The following HNF4A variants were observed in gnomAD, a reference collection of about 807,000 sequenced individuals.
HNF4A encodes the protein hepatocyte nuclear factor 4 alpha, also known as hepatocyte nuclear factor 4-alpha.
A neutral mutation model predicts 52.4 loss-of-function variants in HNF4A; 15 were observed. The observed-to-expected ratio is 0.29, with a 90% confidence interval of 0.19 to 0.44. The LOEUF (loss-of-function observed/expected upper bound fraction) is 0.44. HNF4A is among the 20% of genes least tolerant of loss of function. HNF4A has a pLI of 1.00. For missense variants in HNF4A, 479 were observed against 647.2 expected (o/e 0.74, Z 2.82); for synonymous variants, 280 against 264.4 (o/e 1.06, Z -0.57).
intron 1 of HNF4A, among the ~76,000 whole-genome samples, chr20:44,357,467 C>G (rs551596430): frequency 6.6e-6 from 1 of 152,220 alleles, no homozygotes; most frequent in Non-Finnish European, 1.5e-5. Flanking sequence ...AGGGGCCAGA[C>G]AGCTTCTGGG....
At chr20:44,390,555 TG>T (rs2063289901) in intron 1 of HNF4A, 1 of 700,374 alleles carries the variant, frequency 1.4e-6, no homozygotes, top group Non-Finnish European at 2.6e-6. Flanking sequence ...TCGCAGGGTC[TG>T]GGGTGCTGAG....
At position 44,413,451 on chromosome 20, in the gene HNF4A, C is replaced by T. The variant is rs113275885; in HGVS notation, c.386-243C>T. On this transcript the variant is annotated intron_variant, in intron 3 of 9. Coordinates refer to ENST00000316099, the MANE Select transcript of HNF4A (RefSeq NM_000457.6). ...CCATAGCCGAGTCTTCACTGTCTTG[C>T]GCGCCCCTGCTGATGGGTGGATCAC... Among the ~76,000 whole-genome samples the T allele has an allele frequency of 9.9e-3, 1,513 of 152,236 alleles. 19 individuals are homozygous for T. Among genetic ancestry groups the T allele is most frequent in the African/African-American group, 0.033 (1,352 of 41,528 alleles).
Position 44,414,533 on chromosome 20 carries a change from C to A in HNF4A, c.519C>A (p.Asn173Lys), listed in dbSNP as rs557888367. Residue 173 changes from asparagine to lysine, a missense_variant, in exon 5 of 10, where the codon AAC (asparagine) becomes AAA (lysine). Asn to Lys is a moderately conservative substitution (Grantham distance 94). Coordinates refer to ENST00000316099, the MANE Select transcript of HNF4A (RefSeq NM_000457.6). ...TCACCTCCCCCGTCTCCGGGATCAACGGCGACATTCGGGCGAAGAAGATTG... is the reference window on the plus strand; with the variant it reads ...TCACCTCCCCCGTCTCCGGGATCAAAGGCGACATTCGGGCGAAGAAGATTG... The A allele has an allele frequency of 2.7e-5, 44 of 1,614,104 alleles. No individual in the cohort carries two copies. Among genetic ancestry groups the A allele is most frequent in the Non-Finnish European group, 3.5e-5 (41 of 1,180,048 alleles).
At chr20:44,410,028 G>T (rs112454614) in intron 3 of HNF4A, among the ~76,000 whole-genome samples, 2,169 of 152,206 alleles carry the variant, frequency 0.014, 59 homozygotes, top group African/African-American at 0.05. Context: ...GTAGAGACAG[G>T]GTTTCACCAT....
chr20:44,407,132 C>G (rs2063512193), intron 2 of HNF4A, among the ~76,000 whole-genome samples: 1 of 152,220 alleles, frequency 6.6e-6, no homozygotes, highest in Non-Finnish European at 1.5e-5. Flanking sequence ...TAACACCAAC[C>G]AGCAGAGCGA....
chr20:44,425,007 A>G (rs553637256), intron 8 of HNF4A, among the ~76,000 whole-genome samples: 1 of 152,250 alleles, frequency 6.6e-6, no homozygotes, highest in South Asian at 2.1e-4. Context: ...TTTGAGACAA[A>G]GTCTCCCTCA....
In HNF4A at chr20:44,429,714, G is replaced by A. The variant is rs1161291377; in HGVS notation, c.*49G>A. ...CCACTGGCTCCCCCCAGCCCCCTAA[G>A]AGAGCACCTGGTGATCACGTGGTCA... On this transcript the variant is annotated 3_prime_UTR_variant, in exon 10 of 10. Coordinates refer to ENST00000316099, the MANE Select transcript of HNF4A (RefSeq NM_000457.6). 6 of 1,586,314 alleles carry A rather than the reference G, an allele frequency of 3.8e-6. No homozygotes were observed. Among genetic ancestry groups the A allele is most frequent in the Non-Finnish European group, 5.2e-6 (6 of 1,155,604 alleles).
intron 1 of HNF4A, among the ~76,000 whole-genome samples, chr20:44,362,406 G>A (rs2062926783): frequency 7.2e-6 from 1 of 138,470 alleles, no homozygotes; most frequent in African/African-American, 2.7e-5. Flanking sequence ...GGCAACAGAG[G>A]GAAACTTGTC....
chr20:44,424,258 C>A lies in HNF4A; in HGVS notation c.1129+4C>A. 6.2e-7 allele frequency: 1 copy of A among 1,613,706 alleles called. No homozygotes were observed. The highest frequency in any genetic ancestry group is 1.1e-5 in the South Asian group (1 of 90,900). ...TTGCAGGAGATGCTGCTGGGAGGTCCGTGCCAAGCCCAGGAGGGGCGGGGT... is the reference window on the plus strand; with the variant it reads ...TTGCAGGAGATGCTGCTGGGAGGTCAGTGCCAAGCCCAGGAGGGGCGGGGT... On this transcript the variant is annotated splice_donor_region_variant and intron_variant, in intron 8 of 9. Transcript: ENST00000316099.
intron 1 of HNF4A, among the ~76,000 whole-genome samples, chr20:44,382,535 C>T (rs1388099657): frequency 6.6e-6 from 1 of 152,114 alleles, no homozygotes; most frequent in Non-Finnish European, 1.5e-5. Flanking sequence ...TGCCGCTGCA[C>T]TCGGCCTAAG....
chr20:44,393,302 G>C (rs1294293123), intron 1 of HNF4A, among the ~76,000 whole-genome samples: 3 of 152,248 alleles, frequency 2.0e-5, no homozygotes, highest in Non-Finnish European at 4.4e-5. Context: ...CCTGGCAGGA[G>C]GCAGCCTGCG....
chr20:44,367,027 C>G (rs1315031008), intron 1 of HNF4A, among the ~76,000 whole-genome samples: 1 of 152,094 alleles, frequency 6.6e-6, no homozygotes, highest in African/African-American at 2.4e-5. Context: ...AGGTACTACT[C>G]TAAGCACTTT....
intron 3 of HNF4A, among the ~76,000 whole-genome samples, 189 bp downstream of exon 3, chr20:44,407,664 G>GAGACCAAGCTT (rs2063520653): frequency 6.6e-6 from 1 of 152,038 alleles, no homozygotes; most frequent in Non-Finnish European, 1.5e-5. Flanking sequence ...TCTTGAGAAA[G>GAGACCAAGCTT]ATTCAGAGAG....
chr20:44,384,159 CTTTTTTTTTTTTT>C (rs371586705), intron 1 of HNF4A, among the ~76,000 whole-genome samples: 2 of 125,558 alleles, frequency 1.6e-5, no homozygotes, highest in South Asian at 2.6e-4. Context: ...CCCCTGGCTC[CTTTTTTTTTTTTT>C]TTTTTTTTTT....
intron 3 of HNF4A, among the ~76,000 whole-genome samples, chr20:44,413,050 T>A (rs372307636): frequency 6.6e-6 from 1 of 152,148 alleles, no homozygotes; most frequent in Non-Finnish European, 1.5e-5. Context: ...GATCATCTTC[T>A]ATCTCAGGCC....
chr20:44,390,209 A>G (rs929686010), intron 1 of HNF4A, among the ~76,000 whole-genome samples: 2 of 152,174 alleles, frequency 1.3e-5, no homozygotes, highest in African/African-American at 4.8e-5. Flanking sequence ...CAATGCCAAT[A>G]GGGGGATGGA....
At chr20:44,401,219 G>C (rs911819199), upstream of HNF4A, 22 of 1,518,720 alleles carry the variant, frequency 1.4e-5, 1 homozygote, top group South Asian at 2.4e-4. Flanking sequence ...CTTCACAGAG[G>C]CTAGGCCAAG....
intron 7 of HNF4A, among the ~76,000 whole-genome samples, chr20:44,421,769 A>G (rs972566879): frequency 6.9e-6 from 1 of 145,956 alleles, no homozygotes; most frequent in African/African-American, 2.5e-5. Flanking sequence ...AAATACATAT[A>G]TGTGTATATA....
At chr20:44,401,654 G>T (rs923701339) in intron 1 of HNF4A, 2 of 426,790 alleles carry the variant, frequency 4.7e-6, no homozygotes, top group Non-Finnish European at 6.3e-6. Context: ...ATGTGCCCAG[G>T]CACAGTGATC....
Sources: gnomAD v4.1 joint callset for allele counts (sites outside exome capture counted in the v4.1 genomes callset) on GRCh38, gnomAD v4.1.1 for gene constraint, MANE v1.5 for transcripts, NCBI Gene and HGNC (gene_info 2026-07-23, HGNC 2026-07-21) for gene names.